The following PKD2L2 variants were observed in gnomAD, a reference collection of about 807,000 sequenced individuals.
The protein encoded by PKD2L2 is polycystin-2-like protein 2.
Under a neutral mutation model 83.9 loss-of-function variants are expected in PKD2L2, and 67 were observed. That is an observed-to-expected ratio of 0.80 (90% CI 0.66 to 0.98). The LOEUF (loss-of-function observed/expected upper bound fraction) is 0.98, where lower values mean the gene tolerates loss of function less well. Ranked by LOEUF, PKD2L2 falls within the 50% of genes least tolerant of loss-of-function variation. The probability of loss-of-function intolerance (pLI) is 0.00; values close to 1 mark genes in which losing one functional copy is unlikely to be tolerated. For synonymous variants in PKD2L2, 223 were observed against 237.8 expected (o/e 0.94, Z 0.57); for missense variants, 632 against 717.2 (o/e 0.88, Z 1.36).
rs1181312654 is a variant in PKD2L2, at chr5:137,926,952, T to C, written c.1671+1023T>C. On this transcript the variant is annotated intron_variant, in intron 12 of 14. Transcript: ENST00000508883. ...CCCCATGTATACCAAAGGACAACTATACAAGATGAGTCTGGAATAGCTTAT... is the reference window on the plus strand; with the variant it reads ...CCCCATGTATACCAAAGGACAACTACACAAGATGAGTCTGGAATAGCTTAT... Among the ~76,000 whole-genome samples, 3 of 152,106 alleles carry C rather than the reference T, an allele frequency of 2.0e-5. No homozygotes were observed. In the East Asian group the frequency reaches 5.8e-4, roughly 29 times the overall value.
At chr5:137,917,417 G>A (rs1222057385) in intron 8 of PKD2L2, among the ~76,000 whole-genome samples, 1 of 152,034 alleles carries the variant, frequency 6.6e-6, no homozygotes, top group Non-Finnish European at 1.5e-5. Flanking sequence ...ACCTGTCTTG[G>A]ACTCCTAAAG....
intron 4 of PKD2L2, among the ~76,000 whole-genome samples, chr5:137,896,028 T>C (rs1269868348): frequency 6.6e-6 from 1 of 151,756 alleles, no homozygotes; most frequent in African/African-American, 2.4e-5. Context: ...AATACAAAAA[T>C]TAGCCAAGCA....
rs1181009960 is a variant in PKD2L2 at position 137,925,037 on chromosome 5, CAG to C, written c.1552_1553del. On this transcript the variant is annotated splice_acceptor_variant, in intron 10 of 14. Coordinates refer to ENST00000508883, the MANE Select transcript of PKD2L2 (RefSeq NM_001300921.2). LOFTEE classifies it high-confidence loss of function. ...TTTTCAAACTATTTTAAATTATGCC[CAG>C]AGTTACAAAAATGTTCTCGAGAAAT... 1 of 1,559,912 alleles carries C rather than the reference CAG, an allele frequency of 6.4e-7. No individual in the cohort carries two copies. The highest frequency in any genetic ancestry group is 1.4e-5 in the African/African-American group (1 of 73,836).
Position 137,921,655 on chromosome 5 carries a change from G to C in PKD2L2, c.1348G>C (p.Val450Leu). Residue 450 changes from valine to leucine, a missense_variant, in exon 9 of 15, where the codon GTT becomes CTT. Val to Leu is a conservative substitution (Grantham distance 32, BLOSUM62 1). Transcript: ENST00000508883. ...QNSIFAQFRI[V>L]LGDFNFAGIQ... Reference sequence around the variant, plus strand: ...TTAAAGATTTGCACAATTTCGAATTGTTCTTGGAGATTTTAATTTTGCTGG... The same window carrying C: ...TTAAAGATTTGCACAATTTCGAATTCTTCTTGGAGATTTTAATTTTGCTGG... 1 of 1,594,562 alleles carries C rather than the reference G, an allele frequency of 6.3e-7. No individual in the cohort carries two copies. Among genetic ancestry groups the C allele is most frequent in the Non-Finnish European group, 8.6e-7 (1 of 1,166,660 alleles).
At position 137,907,834 on chromosome 5, in the gene PKD2L2, AG is replaced by A; in HGVS notation, c.1069del (p.Asp357IlefsTer15). On this transcript the variant is annotated frameshift_variant, in exon 7 of 15. Coordinates refer to ENST00000508883, the MANE Select transcript of PKD2L2 (RefSeq NM_001300921.2). LOFTEE classifies it high-confidence loss of function. ...TGTTGAAAAGTACTGAAAAATATTC[AG>A]ATTTCTATTTTCTTGCATGCTGGCA... Reference protein sequence around the residue: ...QLLKSTEKYSDFYFLACWHIY... With the variant: ...QLLKSTEKYSXFYFLACWHIY... 2 of 1,563,508 alleles carry A rather than the reference AG, an allele frequency of 1.3e-6. No homozygotes were observed. The highest frequency in any genetic ancestry group is 1.8e-6 in the Non-Finnish European group (2 of 1,137,828).
At chr5:137,927,039 G>A (rs1048056944) in intron 12 of PKD2L2, among the ~76,000 whole-genome samples, 1 of 152,156 alleles carries the variant, frequency 6.6e-6, no homozygotes, top group African/African-American at 2.4e-5. Flanking sequence ...ATCAGTTTAA[G>A]GAGCTCAAGC....
At chr5:137,928,173 T>C (rs1759531043) in intron 12 of PKD2L2, among the ~76,000 whole-genome samples, 1 of 152,144 alleles carries the variant, frequency 6.6e-6, no homozygotes, top group African/African-American at 2.4e-5. Context: ...GCTTCAAATA[T>C]AAAGGCTCAA....
intron 8 of PKD2L2, among the ~76,000 whole-genome samples, chr5:137,920,249 ATAATT>A (rs1758770914): frequency 6.6e-6 from 1 of 152,204 alleles, no homozygotes; most frequent in African/African-American, 2.4e-5. Context: ...ACACACACAC[ATAATT>A]TAAACTGATA....
chr5:137,935,005 CCT>C (rs1246628301), intron 12 of PKD2L2, among the ~76,000 whole-genome samples: 2 of 152,208 alleles, frequency 1.3e-5, no homozygotes, highest in Admixed American at 6.5e-5. Context: ...GCATCACCAT[CCT>C]CTCTGAGGAA....
intron 8 of PKD2L2, among the ~76,000 whole-genome samples, chr5:137,915,836 C>T (rs1364310963): frequency 1.3e-5 from 2 of 152,002 alleles, no homozygotes; most frequent in Non-Finnish European, 2.9e-5. Context: ...TTTATAATTG[C>T]TCATGTATTT....
At chr5:137,927,759 T>C (rs1759497270) in intron 12 of PKD2L2, among the ~76,000 whole-genome samples, 1 of 152,218 alleles carries the variant, frequency 6.6e-6, no homozygotes, top group South Asian at 2.1e-4. Context: ...TATTTGTTTT[T>C]GAGACCAAAC....
chr5:137,905,727 C>T (rs1757313068), intron 5 of PKD2L2, among the ~76,000 whole-genome samples: 1 of 152,122 alleles, frequency 6.6e-6, no homozygotes, highest in East Asian at 1.9e-4. Context: ...GTGACCTTGA[C>T]ATTTAGAAGC....
At chr5:137,898,358 G>T (rs1756659804) in intron 4 of PKD2L2, among the ~76,000 whole-genome samples, 1 of 152,026 alleles carries the variant, frequency 6.6e-6, no homozygotes, top group Non-Finnish European at 1.5e-5. Flanking sequence ...TTTTTATTGA[G>T]CATTTATAAA....
At chr5:137,904,898 C>T (rs1176915223) in intron 5 of PKD2L2, among the ~76,000 whole-genome samples, 2 of 152,086 alleles carry the variant, frequency 1.3e-5, no homozygotes, top group African/African-American at 2.4e-5. Flanking sequence ...CACACCATGG[C>T]CTTTAAAATA....
intron 12 of PKD2L2, among the ~76,000 whole-genome samples, chr5:137,927,357 G>A (rs1035822509): frequency 6.6e-6 from 1 of 152,110 alleles, no homozygotes; most frequent in East Asian, 1.9e-4. Flanking sequence ...TTTAAATTGA[G>A]GGACATTCTA....
chr5:137,921,436 C>T (rs1396264371), intron 8 of PKD2L2, among the ~76,000 whole-genome samples, 200 bp from the exon 9 acceptor site: 2 of 151,588 alleles, frequency 1.3e-5, no homozygotes, highest in Non-Finnish European at 2.9e-5. Context: ...ATTACCTATT[C>T]AGCTATCGAG....
chr5:137,927,081 A>G (rs1759438104), intron 12 of PKD2L2, among the ~76,000 whole-genome samples: 1 of 152,246 alleles, frequency 6.6e-6, no homozygotes, highest in Non-Finnish European at 1.5e-5. Flanking sequence ...AAGCATTATG[A>G]TGAATAATGA....
chr5:137,942,477 C>T lies in PKD2L2; in HGVS notation c.*111C>T, dbSNP rs543334816. ...AGAGAATCAAGTGATCCTCTTGCCT[C>T]AGCCTCCCAAGTATCTGGGACTACA... On this transcript the variant is annotated 3_prime_UTR_variant, in exon 15 of 15. Transcript: ENST00000508883. 51 of 208,462 alleles carry T rather than the reference C, an allele frequency of 2.4e-4. No homozygotes were observed. The highest frequency in any genetic ancestry group is 1.2e-3 in the African/African-American group (51 of 42,842). 12.9% of individuals were successfully genotyped at this position (208,462 alleles called of 1,614,324 possible). A position where few individuals can be genotyped will look rare whatever the true frequency, so the allele number is the denominator to read the frequency against.
intron 8 of PKD2L2, among the ~76,000 whole-genome samples, chr5:137,909,180 G>A (rs1384650356): frequency 6.6e-6 from 1 of 151,850 alleles, no homozygotes; most frequent in African/African-American, 2.4e-5. Context: ...CTACAGGTGT[G>A]CACCACCACG....
Sources: allele counts gnomAD v4.1 joint callset (sites outside exome capture counted in the v4.1 genomes callset), GRCh38; gene constraint gnomAD v4.1.1; transcripts MANE v1.5; gene names NCBI Gene and HGNC (gene_info 2026-07-23, HGNC 2026-07-21).